FRY: variants seen among roughly 807,000 people sequenced by gnomAD.
FRY encodes protein furry homolog.
In FRY, 128 loss-of-function variants were observed where a neutral mutation model predicts 348.4. That is an observed-to-expected ratio of 0.37 (90% confidence interval 0.32 to 0.43). FRY has a LOEUF of 0.43. Among genes scored for constraint, FRY ranks in the 20% least tolerant of loss-of-function variants. The probability of loss-of-function intolerance (pLI) is 1.00; values close to 1 mark genes in which losing one functional copy is unlikely to be tolerated. For synonymous variants in FRY, 1,370 were observed against 1,374.7 expected (o/e 1.00, Z 0.08); for missense variants, 2,736 against 3,695.2 (o/e 0.74, Z 6.73).
intron 15 of FRY, among the ~76,000 whole-genome samples, chr13:32,155,997 A>G (rs962794788): frequency 2.0e-5 from 3 of 151,972 alleles, no homozygotes; most frequent in Non-Finnish European, 4.4e-5. Context: ...TCATTCATTC[A>G]TCTCCTTCTT....
At chr13:32,068,754 A>G (rs1874414604) in intron 1 of FRY, among the ~76,000 whole-genome samples, 4 of 152,220 alleles carry the variant, frequency 2.6e-5, no homozygotes. Flanking sequence ...TAAGCAAAGA[A>G]CTGTGCCTTC....
chr13:32,132,488 AGGAT>A (rs1879430438), intron 8 of FRY, among the ~76,000 whole-genome samples: 1 of 152,146 alleles, frequency 6.6e-6, no homozygotes, highest in Non-Finnish European at 1.5e-5. Flanking sequence ...TACACCCACA[AGGAT>A]GGCTATAGTC....
At chr13:32,188,889 C>A (rs998666000) in intron 28 of FRY, among the ~76,000 whole-genome samples, 2 of 152,028 alleles carry the variant, frequency 1.3e-5, no homozygotes, top group Non-Finnish European at 2.9e-5. Flanking sequence ...GGAACATTTG[C>A]TAAAGTTTAA....
In FRY at chr13:32,078,911, A is replaced by G; in HGVS notation, c.148A>G (p.Thr50Ala). 6.2e-7 allele frequency: 1 copy of G among 1,614,064 alleles called. No individual in the cohort carries two copies. The highest frequency in any genetic ancestry group is 1.1e-5 in the South Asian group (1 of 91,084). ...CACGCACAGGGAGAAAGGGCCGCCA[A>G]CCATGCTACCCATCAATGTGGACCC... ...SGTHREKGPP[T>A]MLPINVDPDS... Residue 50 changes from threonine (T) to alanine (A), a missense_variant, in exon 2 of 61, where the codon ACC becomes GCC. Physicochemically the swap from Thr to Ala is moderately conservative, Grantham distance 58. Transcript: ENST00000542859.
chr13:32,234,819 T>G (rs1269401961), intron 42 of FRY, 58 bp downstream of exon 42: 1 of 1,335,536 alleles, frequency 7.5e-7, no homozygotes, highest in Non-Finnish European at 1.1e-6. Flanking sequence ...CTCAATGAGG[T>G]GTAAACTATT....
At chr13:32,279,467 CA>C in intron 58 of FRY, among the ~76,000 whole-genome samples, 1 of 152,318 alleles carries the variant, frequency 6.6e-6, no homozygotes, top group Admixed American at 6.5e-5. Context: ...GAAGCCCATG[CA>C]GGGCTTTGGT....
intron 48 of FRY, among the ~76,000 whole-genome samples, chr13:32,248,888 T>C (rs1886935006): frequency 1.3e-5 from 2 of 152,100 alleles, no homozygotes; most frequent in Non-Finnish European, 2.9e-5. Context: ...GAATGATGGG[T>C]CTCAGGAGCC....
In FRY at chr13:32,268,849, A is replaced by G. The variant is rs1412712892; in HGVS notation, c.8136+1490A>G. 5.3e-5 allele frequency among the ~76,000 whole-genome samples: 8 copies of G among 152,126 alleles called. No homozygotes were observed. The East Asian group carries it at 1.5e-3, about 29-fold the overall frequency. ...TGCCTGGCCAATTTCCTGTTTTTCTATAATAAAAAATGCTTTTCTTTCAGC... is the reference window on the plus strand; with the variant it reads ...TGCCTGGCCAATTTCCTGTTTTTCTGTAATAAAAAATGCTTTTCTTTCAGC... On this transcript the variant is annotated intron_variant, in intron 55 of 60. Coordinates refer to ENST00000542859, the MANE Select transcript of FRY (RefSeq NM_023037.3).
chr13:32,190,595 A>G lies in FRY; in HGVS notation c.3591+2939A>G, dbSNP rs1353870770. ...AAATTAGGAATTAACATTGGAATTA[A>G]CATTAAACACTCAGGAATAAACCTA... On this transcript the variant is annotated intron_variant, in intron 28 of 60. Transcript: ENST00000542859. Among the ~76,000 whole-genome samples, 6 of 152,316 alleles carry G rather than the reference A, an allele frequency of 3.9e-5. No individual in the cohort carries two copies. The East Asian group carries it at 1.2e-3, about 29-fold the overall frequency.
chr13:32,286,367 A>G (rs1405885428), intron 58 of FRY, among the ~76,000 whole-genome samples: 1 of 152,202 alleles, frequency 6.6e-6, no homozygotes, highest in Non-Finnish European at 1.5e-5. Context: ...GATTTAAAAA[A>G]AAATACATTC....
At chr13:32,212,518 C>A in intron 35 of FRY, 136 bp downstream of exon 35, 2 of 669,554 alleles carry the variant, frequency 3.0e-6, no homozygotes, top group Non-Finnish European at 5.4e-6. Context: ...GAAACTCAGA[C>A]TTACTTTCCA....
In FRY at chr13:32,129,612, A is replaced by G. The variant is rs1363677586; in HGVS notation, c.717-2060A>G. On this transcript the variant is annotated intron_variant, in intron 7 of 60. Coordinates refer to ENST00000542859, the MANE Select transcript of FRY (RefSeq NM_023037.3). ...AGAAGTCCACCAAATGCCACCGAAGATTAGGAAAATACCCTGAAATATTCT... is the reference window on the plus strand; with the variant it reads ...AGAAGTCCACCAAATGCCACCGAAGGTTAGGAAAATACCCTGAAATATTCT... Among the ~76,000 whole-genome samples, 5 of 152,328 alleles carry G rather than the reference A, an allele frequency of 3.3e-5. No individual in the cohort carries two copies. The South Asian group carries it at 1.0e-3, about 32-fold the overall frequency.
At chr13:32,220,945 A>AC (rs2138396940) in intron 36 of FRY, among the ~76,000 whole-genome samples, 1 of 152,358 alleles carries the variant, frequency 6.6e-6, no homozygotes, top group Admixed American at 6.5e-5. Context: ...GAGATGAGTT[A>AC]CTAGTGCATC....
At chr13:32,144,589 T>G (rs1438419402) in intron 11 of FRY, among the ~76,000 whole-genome samples, 1 of 151,928 alleles carries the variant, frequency 6.6e-6, no homozygotes, top group African/African-American at 2.4e-5. Flanking sequence ...TTCTAAACAA[T>G]TACGAATTCT....
At chr13:32,163,888 C>G (rs798973) in intron 17 of FRY, among the ~76,000 whole-genome samples, 40,962 of 151,558 alleles carry the variant, frequency 0.27, 5,918 homozygotes, top group Middle Eastern at 0.38. Flanking sequence ...TTTGTTTTTT[C>G]TTTTTTCTTT....
intron 51 of FRY, among the ~76,000 whole-genome samples, chr13:32,259,073 T>A (rs779969745): frequency 6.6e-6 from 1 of 152,242 alleles, no homozygotes; most frequent in Non-Finnish European, 1.5e-5. Flanking sequence ...TGAACTGACA[T>A]ATACAGAGTG....
intron 50 of FRY, 39 bp downstream of exon 50, chr13:32,251,991 A>G (rs371230762): frequency 1.3e-5 from 18 of 1,348,964 alleles, no homozygotes; most frequent in African/African-American, 1.4e-5. Context: ...TTGGTGTCAT[A>G]TCTCCTTTTT....
intron 1 of FRY, among the ~76,000 whole-genome samples, chr13:32,046,031 C>T (rs1872999001): frequency 6.6e-6 from 1 of 152,170 alleles, no homozygotes; most frequent in African/African-American, 2.4e-5. Flanking sequence ...TCAAGTGTCC[C>T]TCGTACACAA....
chr13:32,145,614 G>C (rs570069494), intron 11 of FRY, among the ~76,000 whole-genome samples: 1 of 143,370 alleles, frequency 7.0e-6, no homozygotes, highest in African/African-American at 2.6e-5. Context: ...GTGCAATCTC[G>C]GCTCACTGCA....
Sources: allele counts gnomAD v4.1 joint callset (sites outside exome capture counted in the v4.1 genomes callset), GRCh38; gene constraint gnomAD v4.1.1; transcripts MANE v1.5; gene names NCBI Gene and HGNC (gene_info 2026-07-23, HGNC 2026-07-21).